MGAT5B: variants seen among roughly 807,000 people sequenced by gnomAD.
MGAT5B encodes alpha-1,6-mannosylglycoprotein 6-beta-N-acetylglucosaminyltransferase B.
MGAT5B carries 54 observed loss-of-function variants against 95.1 expected under a neutral mutation model. The observed-to-expected ratio is 0.57, with a 90% CI of 0.46 to 0.71. The LOEUF (loss-of-function observed/expected upper bound fraction) is 0.71, where lower values mean the gene tolerates loss of function less well. Among genes scored for constraint, MGAT5B ranks in the 30% least tolerant of loss-of-function variants. The pLI is 0.00. For missense variants in MGAT5B, 935 were observed against 1,088.6 expected (o/e 0.86, Z 1.99); for synonymous variants, 464 against 451.0 (o/e 1.03, Z -0.36).
At chr17:76,880,321 C>T (rs1967363079) in intron 2 of MGAT5B, among the ~76,000 whole-genome samples, 1 of 152,206 alleles carries the variant, frequency 6.6e-6, no homozygotes, top group Non-Finnish European at 1.5e-5. Flanking sequence ...AGTGGTCCCG[C>T]CCCAGCTCCT....
chr17:76,909,302 T>C (rs181589856), intron 8 of MGAT5B, among the ~76,000 whole-genome samples: 275 of 152,306 alleles, frequency 1.8e-3, no homozygotes, highest in Middle Eastern at 0.01. Flanking sequence ...CTTCTATCTA[T>C]CTATATGTTT....
rs547381155 is a variant in MGAT5B at position 76,926,397 on chromosome 17, A to G, written c.1158-200A>G. ...ATTGGGCTGTTGTTTTTCCCACTGG[A>G]CAGATGAGGCAGCACAGAGAGGTGA... is the stretch of plus-strand genomic sequence containing the variant. On this transcript the variant is annotated intron_variant, in intron 9 of 17. Transcript: ENST00000569840. Among the ~76,000 whole-genome samples, 4 of 152,226 alleles carry G rather than the reference A, an allele frequency of 2.6e-5. No individual in the cohort carries two copies. The South Asian group carries it at 8.3e-4, about 32-fold the overall frequency.
rs1598957903 is a variant in MGAT5B at position 76,915,989 on chromosome 17, A to T, written c.1026-8977A>T. Reference sequence around the variant, plus strand: ...CAGAAGACCTACCTAGACTGCGGGTAAGGGGACAGAGAGGGAGCAGGCGCC... The same window carrying T: ...CAGAAGACCTACCTAGACTGCGGGTTAGGGGACAGAGAGGGAGCAGGCGCC... On this transcript the variant is annotated intron_variant, in intron 8 of 17. Coordinates refer to ENST00000569840, the MANE Select transcript of MGAT5B (RefSeq NM_001199172.2). The surrounding 1 kb of genome is among the most constrained non-coding windows in gnomAD (Gnocchi z 8.7). Among the ~76,000 whole-genome samples, 1 of 152,220 alleles carries T rather than the reference A, an allele frequency of 6.6e-6. No individual in the cohort carries two copies. Among genetic ancestry groups the T allele is most frequent in the East Asian group, 1.9e-4 (1 of 5,188 alleles).
intron 5 of MGAT5B, 78 bp downstream of exon 5, chr17:76,903,454 A>C (rs1968397215): frequency 2.4e-6 from 3 of 1,257,110 alleles, no homozygotes; most frequent in African/African-American, 3.1e-5. Flanking sequence ...ACCCAGGCAC[A>C]AGCTGGCAGA....
At position 76,948,101 on chromosome 17, in the gene MGAT5B, A is replaced by ACCCAAC; in HGVS notation, c.2180+18_2180+19insAACCCC. On this transcript the variant is annotated intron_variant, in intron 17 of 17. Coordinates refer to ENST00000569840, the MANE Select transcript of MGAT5B (RefSeq NM_001199172.2). ...GCCTTCCTCAAGTGAGTGTTCCCCC[A>ACCCAAC]CCCTCCCCACCCAGCCGCTATCATC... The ACCCAAC allele has an allele frequency of 1.3e-6, 1 of 741,306 alleles. No homozygotes were observed. Among genetic ancestry groups the ACCCAAC allele is most frequent in the Non-Finnish European group, 2.1e-6 (1 of 469,198 alleles). 45.9% of individuals were successfully genotyped at this position (741,306 alleles called of 1,614,324 possible). A position where few individuals can be genotyped will look rare whatever the true frequency, so the allele number is the denominator to read the frequency against.
chr17:76,890,757 C>A (rs1469077479), intron 3 of MGAT5B, among the ~76,000 whole-genome samples: 1 of 152,148 alleles, frequency 6.6e-6, no homozygotes, highest in Admixed American at 6.5e-5. Context: ...GCCACCTCAG[C>A]CTCCCAGAGT....
At chr17:76,896,861 G>A (rs1200518431) in intron 3 of MGAT5B, among the ~76,000 whole-genome samples, 3 of 152,156 alleles carry the variant, frequency 2.0e-5, no homozygotes, top group Non-Finnish European at 2.9e-5. Context: ...CAAGAGCAAC[G>A]TGGTTGCTGA....
At chr17:76,900,529 C>T (rs1268061548) in intron 3 of MGAT5B, among the ~76,000 whole-genome samples, 2 of 152,162 alleles carry the variant, frequency 1.3e-5, no homozygotes, top group African/African-American at 4.8e-5. Flanking sequence ...CGTGTGAAGG[C>T]GGAGGCAGAG....
chr17:76,877,428 C>T (rs1421434276), intron 2 of MGAT5B, among the ~76,000 whole-genome samples: 2 of 151,942 alleles, frequency 1.3e-5, no homozygotes, highest in African/African-American at 4.8e-5. Context: ...GTCTACTGGG[C>T]CCTGCCAGAC....
At position 76,940,828 on chromosome 17, in the gene MGAT5B, A is replaced by G. The variant is rs1969842994; in HGVS notation, c.1828A>G (p.Lys610Glu). Residue 610 changes from lysine (K) to glutamate (E), a missense_variant, in exon 15 of 18, where the codon AAG becomes GAG. Coordinates refer to ENST00000569840, the MANE Select transcript of MGAT5B (RefSeq NM_001199172.2). The surrounding 1 kb of genome is among the most constrained non-coding windows in gnomAD (Gnocchi z 4.3). The stretch of plus-strand genomic sequence containing the variant: ...CTCAGAGGAGTTTGAAGCAGCCATC[A>G]AGGCCATTATGAGAACTCAGGTGAG... ...NNSEEFEAAI[K>E]AIMRTQVDPY... 1 of 1,614,060 alleles carries G rather than the reference A, an allele frequency of 6.2e-7. No homozygotes were observed. The highest frequency in any genetic ancestry group is 8.5e-7 in the Non-Finnish European group (1 of 1,179,984).
In MGAT5B at chr17:76,938,359, G is replaced by A. The variant is rs1969743164; in HGVS notation, c.1584+216G>A. Among the ~76,000 whole-genome samples the A allele has an allele frequency of 6.6e-6, 1 of 152,240 alleles. No homozygotes were observed. The highest frequency in any genetic ancestry group is 2.4e-5 in the African/African-American group (1 of 41,458). ...CCTATAGAGAAAGGGACCTGGGCAGGGCCAGCAGAGCAGCAGAGCCGTGGC... is the reference window on the plus strand; with the variant it reads ...CCTATAGAGAAAGGGACCTGGGCAGAGCCAGCAGAGCAGCAGAGCCGTGGC... On this transcript the variant is annotated intron_variant, in intron 13 of 17. Coordinates refer to ENST00000569840, the MANE Select transcript of MGAT5B (RefSeq NM_001199172.2). This position sits in a 1 kb window ranked among gnomAD's most constrained non-coding sequence, Gnocchi z 4.3.
chr17:76,903,418 G>C (rs1423079473), intron 5 of MGAT5B, 42 bp downstream of exon 5: 2 of 1,554,378 alleles, frequency 1.3e-6, no homozygotes, highest in Non-Finnish European at 1.8e-6. Flanking sequence ...TACAGCTAGG[G>C]CCTCTCTGTC....
intron 8 of MGAT5B, among the ~76,000 whole-genome samples, chr17:76,920,292 A>G (rs1381166258): frequency 7.6e-6 from 1 of 132,086 alleles, no homozygotes; most frequent in Non-Finnish European, 1.6e-5. Context: ...AGAGTACAAG[A>G]GAAATGAGGA....
intron 4 of MGAT5B, 31 bp from the exon 5 acceptor site, chr17:76,903,272 G>T: frequency 6.3e-7 from 1 of 1,590,978 alleles, no homozygotes; most frequent in Non-Finnish European, 8.6e-7. Flanking sequence ...CCTTGGACCA[G>T]GGACTTCAGC....
chr17:76,879,925 C>T lies in MGAT5B; in HGVS notation c.182-2226C>T, dbSNP rs149862795. On this transcript the variant is annotated intron_variant, in intron 2 of 17. Transcript: ENST00000569840. ...GCTCACCAGGGCTGCCCAGATTAAC[C>T]GATTGAGTGTGTGAGTGCGTGGGGA... Among the ~76,000 whole-genome samples the T allele has an allele frequency of 6.9e-3, 1,051 of 152,268 alleles. 12 individuals carry two copies. The highest frequency in any genetic ancestry group is 0.024 in the African/African-American group (1,016 of 41,552).
intron 8 of MGAT5B, among the ~76,000 whole-genome samples, chr17:76,908,072 A>G (rs1414168280): frequency 1.3e-5 from 2 of 152,142 alleles, no homozygotes; most frequent in African/African-American, 4.8e-5. Flanking sequence ...AATTCTGTGG[A>G]AGTTACATGT....
chr17:76,920,268 C>T (rs544656926), intron 8 of MGAT5B, among the ~76,000 whole-genome samples: 168 of 152,314 alleles, frequency 1.1e-3, no homozygotes, highest in Non-Finnish European at 1.9e-3. Flanking sequence ...TCCTCTTGAC[C>T]CAGCCCTTGA....
rs1018800083 is a variant in MGAT5B at position 76,938,232 on chromosome 17, C to G, written c.1584+89C>G. ...ATGCCTGCCACCACCACTCAGGCCC[C>G]TTCCACATATGGACATACCCCAGCA... is the stretch of plus-strand genomic sequence containing the variant. On this transcript the variant is annotated intron_variant, in intron 13 of 17. Coordinates refer to ENST00000569840, the MANE Select transcript of MGAT5B (RefSeq NM_001199172.2). This position sits in a 1 kb window ranked among gnomAD's most constrained non-coding sequence, Gnocchi z 4.3. The G allele has an allele frequency of 6.7e-7, 1 of 1,503,342 alleles. No homozygotes were observed. The highest frequency in any genetic ancestry group is 9.1e-7 in the Non-Finnish European group (1 of 1,099,034). The allele number at this position is 1,503,342 out of a possible 1,614,324, so 93.1% of individuals were successfully genotyped here. A position where few individuals can be genotyped will look rare whatever the true frequency, so the allele number is the denominator to read the frequency against.
rs371910358 is a variant in MGAT5B, at chr17:76,915,445, C to T, written c.1025+9258C>T. Among the ~76,000 whole-genome samples, 330 of 152,142 alleles carry T rather than the reference C, an allele frequency of 2.2e-3. 1 individual carries two copies. The highest frequency in any genetic ancestry group is 8.7e-3 in the East Asian group (45 of 5,172). On this transcript the variant is annotated intron_variant, in intron 8 of 17. Transcript: ENST00000569840. The surrounding 1 kb of genome is among the most constrained non-coding windows in gnomAD (Gnocchi z 8.7). ...CAAGCCAGGTGGAGGCAGCGGGAGA[C>T]GCGAGGAAGTGGACAAGACCGAAAA... is the stretch of plus-strand genomic sequence containing the variant.
Sources: allele counts gnomAD v4.1 joint callset (sites outside exome capture counted in the v4.1 genomes callset), GRCh38; gene constraint gnomAD v4.1.1; non-coding constraint Gnocchi (gnomAD v3.1); transcripts MANE v1.5; gene names NCBI Gene and HGNC (gene_info 2026-07-23, HGNC 2026-07-21).